DACH1: variants seen among roughly 807,000 people sequenced by gnomAD.
DACH1 encodes dachshund family transcription factor 1.
A neutral mutation model predicts 54.2 loss-of-function variants in DACH1; 12 were observed. That is an observed-to-expected ratio of 0.22 (90% CI 0.14 to 0.36). The LOEUF is 0.36. DACH1 is among the 10% of genes least tolerant of loss of function. DACH1 has a pLI of 1.00. For synonymous variants in DACH1, 386 were observed against 366.2 expected, an observed-to-expected ratio of 1.05 and a Z score of -0.62; for missense variants, 805 against 929.8, an observed-to-expected ratio of 0.87 and a Z score of 1.75.
chr13:71,666,972 A>C (rs1304307662), intron 2 of DACH1, among the ~76,000 whole-genome samples: 1 of 152,142 alleles, frequency 6.6e-6, no homozygotes, highest in African/African-American at 2.4e-5. Context: ...GCAAAACTCT[A>C]TCTCAAAATA....
intron 1 of DACH1, among the ~76,000 whole-genome samples, chr13:71,793,558 C>T (rs1886918666): frequency 6.6e-6 from 1 of 152,092 alleles, no homozygotes; most frequent in South Asian, 2.1e-4. Flanking sequence ...TTTTTGGAAA[C>T]AGGGTTTTGC....
chr13:71,449,340 GAAAGA>G (rs1396914969), intron 10 of DACH1, among the ~76,000 whole-genome samples: 1 of 151,962 alleles, frequency 6.6e-6, no homozygotes, highest in East Asian at 1.9e-4. Context: ...GAAAAAAAAA[GAAAGA>G]AAAGAAATAG....
At chr13:71,678,649 T>C (rs1203431760) in intron 2 of DACH1, among the ~76,000 whole-genome samples, 6 of 146,970 alleles carry the variant, frequency 4.1e-5, no homozygotes, top group African/African-American at 1.5e-4. Context: ...CCTTTCTCTC[T>C]CTTTCCTTCT....
intron 8 of DACH1, among the ~76,000 whole-genome samples, chr13:71,477,202 G>A (rs1378898544): frequency 1.5e-5 from 2 of 137,346 alleles, no homozygotes; most frequent in Non-Finnish European, 3.0e-5. Flanking sequence ...CTCACTGAAA[G>A]CTCTGCCTCC....
chr13:71,693,274 A>T (rs1594104064), intron 1 of DACH1, among the ~76,000 whole-genome samples: 1 of 140,616 alleles, frequency 7.1e-6, no homozygotes. Context: ...GTATGATAAT[A>T]CCCTCTTATC....
chr13:71,484,201 A>AT (rs1555285988), intron 7 of DACH1, among the ~76,000 whole-genome samples: 1 of 152,012 alleles, frequency 6.6e-6, no homozygotes, highest in African/African-American at 2.4e-5. Context: ...TCACTCAGTC[A>AT]CCCAGGGTGG....
intron 1 of DACH1, among the ~76,000 whole-genome samples, chr13:71,823,602 C>G (rs1888275284): frequency 3.3e-5 from 5 of 151,760 alleles, no homozygotes; most frequent in Admixed American, 3.3e-4. Context: ...GCATATATCA[C>G]AGATAGCCAA....
chr13:71,698,139 C>T (rs1387105320), intron 1 of DACH1, among the ~76,000 whole-genome samples: 1 of 151,972 alleles, frequency 6.6e-6, no homozygotes, highest in Non-Finnish European at 1.5e-5. Flanking sequence ...TTACAGTGAG[C>T]CGCGCCACTG....
At chr13:71,650,614 C>G (rs927218390) in intron 2 of DACH1, among the ~76,000 whole-genome samples, 1 of 152,086 alleles carries the variant, frequency 6.6e-6, no homozygotes, top group Non-Finnish European at 1.5e-5. Flanking sequence ...CTTTCTCTCT[C>G]TGTGAGGTAA....
In DACH1 at chr13:71,866,311, A is replaced by ACTG. The variant is rs751513415; in HGVS notation, c.456_458dup (p.Ser163dup). The ACTG allele has an allele frequency of 4.7e-4, 726 of 1,541,598 alleles. No homozygotes were observed. The highest frequency in any genetic ancestry group is 1.8e-3 in the Middle Eastern group (9 of 5,130). On this transcript the variant is annotated inframe_insertion, in exon 1 of 11. Coordinates refer to ENST00000613252, the MANE Select transcript of DACH1 (RefSeq NM_080759.6). ...TGCTGCTACTGCTGCTGCTGCTACT[A>ACTG]CTGCTGCTGCTGCTGCTGCTGCTAC...
chr13:71,753,973 G>A (rs900359018), intron 1 of DACH1, among the ~76,000 whole-genome samples: 1 of 152,134 alleles, frequency 6.6e-6, no homozygotes, highest in African/African-American at 2.4e-5. Context: ...GGCCACAGAT[G>A]CAAAGAGAAA....
At chr13:71,860,870 A>G (rs1409367266) in intron 1 of DACH1, among the ~76,000 whole-genome samples, 1 of 152,016 alleles carries the variant, frequency 6.6e-6, no homozygotes, top group African/African-American at 2.4e-5. Flanking sequence ...TTGCACATTA[A>G]GCTAATTTAC....
At chr13:71,625,842 G>C (rs1215356409) in intron 3 of DACH1, among the ~76,000 whole-genome samples, 2 of 151,918 alleles carry the variant, frequency 1.3e-5, no homozygotes, top group Non-Finnish European at 2.9e-5. Context: ...ACAGCAGTTA[G>C]AAGGTTATGA....
intron 6 of DACH1, among the ~76,000 whole-genome samples, chr13:71,515,940 ATT>A (rs1035629931): frequency 4.6e-5 from 7 of 151,972 alleles, no homozygotes; most frequent in African/African-American, 1.7e-4. Flanking sequence ...AACAACCACT[ATT>A]TCTCTGTCAG....
chr13:71,735,816 T>C (rs1884088809), intron 1 of DACH1, among the ~76,000 whole-genome samples: 1 of 152,082 alleles, frequency 6.6e-6, no homozygotes, highest in Admixed American at 6.5e-5. Context: ...AAATTTTACC[T>C]GTTTTATTAT....
intron 1 of DACH1, among the ~76,000 whole-genome samples, chr13:71,784,713 CATT>C (rs917075654): frequency 6.6e-6 from 1 of 152,070 alleles, no homozygotes; most frequent in African/African-American, 2.4e-5. Flanking sequence ...AAAGTTTTGT[CATT>C]ATGAAGTACT....
intron 6 of DACH1, among the ~76,000 whole-genome samples, chr13:71,533,265 T>C (rs1300037920): frequency 6.6e-6 from 1 of 151,984 alleles, no homozygotes; most frequent in East Asian, 1.9e-4. Flanking sequence ...AAATATTTTC[T>C]CCATTTCCCT....
At chr13:71,456,579 T>C (rs1158745295) in intron 10 of DACH1, among the ~76,000 whole-genome samples, 1 of 152,086 alleles carries the variant, frequency 6.6e-6, no homozygotes, top group Non-Finnish European at 1.5e-5. Context: ...ATAGGGACTC[T>C]ATACCACTCT....
intron 10 of DACH1, among the ~76,000 whole-genome samples, chr13:71,449,098 C>T (rs1056961559): frequency 8.6e-5 from 13 of 151,826 alleles, no homozygotes; most frequent in Non-Finnish European, 1.6e-4. Context: ...CCAGCACTTT[C>T]GGAGGCCGAG....
Sources: allele counts gnomAD v4.1 joint callset (sites outside exome capture counted in the v4.1 genomes callset), GRCh38; gene constraint gnomAD v4.1.1; transcripts MANE v1.5; gene names NCBI Gene and HGNC (gene_info 2026-07-23, HGNC 2026-07-21).